Variants in ARHGAP32 observed in about 807,000 individuals in gnomAD.
The protein encoded by ARHGAP32 is Rho GTPase activating protein 32, also known as rho GTPase-activating protein 32.
A neutral mutation model predicts 186.5 loss-of-function variants in ARHGAP32; 51 were observed. The ratio of observed to expected loss-of-function variants is 0.27; its 90% confidence interval spans 0.22 to 0.35. The LOEUF is 0.35. Ranked by LOEUF, ARHGAP32 falls within the 10% of genes least tolerant of loss-of-function variation. ARHGAP32 has a pLI of 1.00. For synonymous variants in ARHGAP32, 950 were observed against 964.3 expected, an observed-to-expected ratio of 0.99 and a Z score of 0.27; for missense variants, 2,186 against 2,623.5, an observed-to-expected ratio of 0.83 and a Z score of 3.64.
chr11:129,116,976 T>C (rs1942384851), intron 5 of ARHGAP32, among the ~76,000 whole-genome samples: 1 of 152,054 alleles, frequency 6.6e-6, no homozygotes. Context: ...ATTTTACAAA[T>C]GAGGAAACTG....
At chr11:129,022,883 T>C (rs1473737182) in intron 11 of ARHGAP32, among the ~76,000 whole-genome samples, 2 of 152,150 alleles carry the variant, frequency 1.3e-5, no homozygotes, top group Non-Finnish European at 2.9e-5. Context: ...TATCTTCCAC[T>C]AAATGCCATA....
At chr11:128,983,577 G>A (rs1945776370) in intron 15 of ARHGAP32, among the ~76,000 whole-genome samples, 1 of 151,812 alleles carries the variant, frequency 6.6e-6, no homozygotes, top group African/African-American at 2.4e-5. Flanking sequence ...ACACCAACAT[G>A]GCACATGTAT....
At chr11:129,143,631 A>T (rs1943109887) in intron 2 of ARHGAP32, among the ~76,000 whole-genome samples, 4 of 152,146 alleles carry the variant, frequency 2.6e-5, no homozygotes, top group African/African-American at 2.4e-5. Context: ...CCCAAAGCAC[A>T]AGAGGAGTGA....
At chr11:129,216,691 A>G (rs7938355) in intron 1 of ARHGAP32, among the ~76,000 whole-genome samples, 7,781 of 143,560 alleles carry the variant, frequency 0.054, 315 homozygotes, top group Middle Eastern at 0.1. Context: ...AAAAAAAAAA[A>G]AAGACAATCT....
intron 1 of ARHGAP32, among the ~76,000 whole-genome samples, chr11:129,177,435 T>G (rs971913561): frequency 3.3e-5 from 5 of 152,212 alleles, no homozygotes; most frequent in East Asian, 1.9e-4. Context: ...TAACTCATTT[T>G]ACGAGGCCAG....
chr11:129,251,933 C>CAAA (rs11443635), intron 1 of ARHGAP32, among the ~76,000 whole-genome samples: 24 of 134,294 alleles, frequency 1.8e-4, no homozygotes, highest in East Asian at 8.5e-4. Context: ...GACTTCATCT[C>CAAA]AAAAAAAAAA....
At position 128,969,899 on chromosome 11, in the gene ARHGAP32, C is replaced by T; in HGVS notation, c.5314G>A (p.Glu1772Lys). 3.1e-6 allele frequency: 5 copies of T among 1,614,214 alleles called. No homozygotes were observed. The East Asian group carries it at 8.9e-5, about 29-fold the overall frequency. ...EKYRMQSIRR[E>K]SRARQKVKGP... ...TTCACCTTCTGCCGAGCACGGCTCT[C>T]TCTCCGGATGGACTGCATGCGGTAT... is the stretch of plus-strand genomic sequence containing the variant. Residue 1772 changes from glutamate (E) to lysine (K), a missense_variant, in exon 23 of 23, where the codon GAG becomes AAG. Coordinates refer to ENST00000682385, the MANE Select transcript of ARHGAP32 (RefSeq NM_001378024.1). This position sits in a 1 kb window ranked among gnomAD's most constrained non-coding sequence, Gnocchi z 4.8.
At chr11:129,005,505 G>T (rs917310402) in intron 11 of ARHGAP32, among the ~76,000 whole-genome samples, 21 of 152,128 alleles carry the variant, frequency 1.4e-4, no homozygotes, top group African/African-American at 4.8e-4. Context: ...ATGTTTGAAG[G>T]ATATTTTCAC....
At chr11:129,004,450 T>C (rs1490163542) in intron 11 of ARHGAP32, among the ~76,000 whole-genome samples, 1 of 152,084 alleles carries the variant, frequency 6.6e-6, no homozygotes, top group Non-Finnish European at 1.5e-5. Flanking sequence ...ATCTGTACAA[T>C]GCTGAAAGTG....
Position 129,167,442 on chromosome 11 carries a change from T to C in ARHGAP32, c.117-3015A>G, listed in dbSNP as rs184002760. Reference sequence around the variant, plus strand: ...ATATTCATAGCAATATTATTCATAATAGCCAAAAAGTAGGGACAATCAAAA... The same window carrying C: ...ATATTCATAGCAATATTATTCATAACAGCCAAAAAGTAGGGACAATCAAAA... On this transcript the variant is annotated intron_variant, in intron 1 of 22. Coordinates refer to ENST00000682385, the MANE Select transcript of ARHGAP32 (RefSeq NM_001378024.1). 1.7e-3 allele frequency among the ~76,000 whole-genome samples: 263 copies of C among 152,262 alleles called. 2 individuals are homozygous for C. The highest frequency in any genetic ancestry group is 6.1e-3 in the African/African-American group (254 of 41,548).
intron 1 of ARHGAP32, among the ~76,000 whole-genome samples, chr11:129,177,244 T>G (rs1234284369): frequency 1.3e-5 from 2 of 152,082 alleles, no homozygotes; most frequent in African/African-American, 4.8e-5. Flanking sequence ...CAGGAAGAAG[T>G]TGAATCTCTG....
chr11:129,192,266 G>T lies in ARHGAP32; in HGVS notation c.-68C>A, dbSNP rs1944286344. On this transcript the variant is annotated 5_prime_UTR_variant, in exon 1 of 23. Coordinates refer to ENST00000682385, the MANE Select transcript of ARHGAP32 (RefSeq NM_001378024.1). ...AATAAAAAGCACCAACATTCAGGTT[G>T]TTCAGCTCTACTCATGTATACTCAG... 4 of 1,110,604 alleles carry T rather than the reference G, an allele frequency of 3.6e-6. No individual in the cohort carries two copies. The Admixed American group carries it at 6.9e-5, about 19-fold the overall frequency. 68.8% of individuals were successfully genotyped at this position (1,110,604 alleles called of 1,614,324 possible).
chr11:129,093,093 T>C (rs922159339), intron 6 of ARHGAP32, among the ~76,000 whole-genome samples: 1 of 151,996 alleles, frequency 6.6e-6, no homozygotes, highest in Non-Finnish European at 1.5e-5. Context: ...CATGCACATA[T>C]CCTATTGTTA....
intron 2 of ARHGAP32, among the ~76,000 whole-genome samples, chr11:129,142,784 T>C (rs1943084628): frequency 6.6e-6 from 1 of 151,896 alleles, no homozygotes; most frequent in Non-Finnish European, 1.5e-5. Context: ...AAGTGTTCTT[T>C]CTGTATAAGG....
At chr11:129,202,426 G>A (rs1944465913) in intron 1 of ARHGAP32, among the ~76,000 whole-genome samples, 1 of 151,854 alleles carries the variant, frequency 6.6e-6, no homozygotes, top group Non-Finnish European at 1.5e-5. Context: ...CCCAGGAATA[G>A]GAAATATAAG....
At chr11:129,221,533 G>GTGTT (rs1944711530) in intron 1 of ARHGAP32, among the ~76,000 whole-genome samples, 1 of 82,132 alleles carries the variant, frequency 1.2e-5, no homozygotes, top group African/African-American at 4.1e-5. Flanking sequence ...GTGTGTGTGT[G>GTGTT]TTTATGGTAA....
rs891243265 is a variant in ARHGAP32 at position 129,190,201 on chromosome 11, G to A, written c.116+1882C>T. 5.9e-5 allele frequency among the ~76,000 whole-genome samples: 9 copies of A among 152,172 alleles called. No individual in the cohort carries two copies. The South Asian group carries it at 6.2e-4, about 11-fold the overall frequency. ...AAGGTTACAGCTGCAACTCCTATCC[G>A]ACCCTTCCCCTTCCACACCCATGCC... On this transcript the variant is annotated intron_variant, in intron 1 of 22. Transcript: ENST00000682385.
chr11:129,004,990 T>C (rs1013950029), intron 11 of ARHGAP32, among the ~76,000 whole-genome samples: 1 of 152,172 alleles, frequency 6.6e-6, no homozygotes, highest in African/African-American at 2.4e-5. Flanking sequence ...GGTGATTTTC[T>C]CTGGTGGTAT....
chr11:128,992,961 C>T (rs1313674398), intron 12 of ARHGAP32, among the ~76,000 whole-genome samples: 6 of 152,036 alleles, frequency 3.9e-5, no homozygotes, highest in African/African-American at 1.5e-4. Flanking sequence ...TTATAAACAC[C>T]GGTTTGTGAT....
Sources: allele counts gnomAD v4.1 joint callset (sites outside exome capture counted in the v4.1 genomes callset), GRCh38; gene constraint gnomAD v4.1.1; non-coding constraint Gnocchi (gnomAD v3.1); transcripts MANE v1.5; gene names NCBI Gene and HGNC (gene_info 2026-07-23, HGNC 2026-07-21).